The following ABCC5 variants were observed in gnomAD, a reference collection of about 807,000 sequenced individuals.
The protein encoded by ABCC5 is ATP-binding cassette sub-family C member 5.
In ABCC5, 61 loss-of-function variants were observed where a neutral mutation model predicts 160.9. That is an observed-to-expected ratio of 0.38 (90% CI 0.31 to 0.47). The LOEUF is 0.47. Among genes scored for constraint, ABCC5 ranks in the 20% least tolerant of loss-of-function variants. ABCC5 has a pLI of 0.99. For missense variants in ABCC5, 1,308 were observed against 1,813.3 expected, an observed-to-expected ratio of 0.72 and a Z score of 5.06; for synonymous variants, 666 against 700.6, an observed-to-expected ratio of 0.95 and a Z score of 0.78.
intron 5 of ABCC5, chr3:183,983,581 C>G (rs1485108485): frequency 3.9e-6 from 1 of 257,284 alleles, no homozygotes; most frequent in Non-Finnish European, 6.1e-6. Flanking sequence ...TCCCGACTCC[C>G]TCCCAAAAAT....
rs1054495666 is a variant in ABCC5, at chr3:183,942,814, G to T, written c.3607C>A (p.Arg1203=). The change falls in exon 25 of 30, where the codon CGA becomes AGA. Residue 1203 remains arginine (R), a synonymous_variant. Transcript: ENST00000334444. ...VTFENAEMRY[R]ENLPLVLKKV... is the part of the protein sequence containing the mutation. Reference sequence around the variant, plus strand: ...TTTAGGACGAGAGGGAGGTTTTCTCGGTACCTCATCTCTGCGTTCTCAAAG... The same window carrying T: ...TTTAGGACGAGAGGGAGGTTTTCTCTGTACCTCATCTCTGCGTTCTCAAAG... The T allele has an allele frequency of 6.2e-7, 1 of 1,614,082 alleles. No homozygotes were observed. The highest frequency in any genetic ancestry group is 1.3e-5 in the African/African-American group (1 of 75,012).
chr3:183,930,973 T>A (rs1713119844), intron 26 of ABCC5, among the ~76,000 whole-genome samples: 1 of 152,210 alleles, frequency 6.6e-6, no homozygotes, highest in Admixed American at 6.5e-5. Flanking sequence ...CCCCGGTGGA[T>A]GCCTCAAACC....
chr3:183,951,625 G>T lies in ABCC5; in HGVS notation c.2815-55C>A. 1.3e-6 allele frequency: 2 copies of T among 1,593,838 alleles called. No individual in the cohort carries two copies. Among genetic ancestry groups the T allele is most frequent in the African/African-American group, 1.3e-5 (1 of 74,412 alleles). ...CCCAGGGACGGCTCTGTTCCTACTG[G>T]TCCAGAGAACCGCTCCGCAGCACAT... On this transcript the variant is annotated intron_variant, in intron 19 of 29. Transcript: ENST00000334444. The surrounding 1 kb of genome is among the most constrained non-coding windows in gnomAD (Gnocchi z 4.7).
chr3:183,953,171 A>G lies in ABCC5; in HGVS notation c.2582T>C (p.Val861Ala). Residue 861 changes from valine (V) to alanine (A), a missense_variant, in exon 18 of 30, where the codon GTT becomes GCT. Physicochemically the swap from Val to Ala is moderately conservative, Grantham distance 64. Transcript: ENST00000334444. Reference sequence around the variant, plus strand: ...ATTCAGCATGAAAAGGGCCATAATAACCAGGAATGCCAAGGGGCCCCCAGC... The same window carrying G: ...ATTCAGCATGAAAAGGGCCATAATAGCCAGGAATGCCAAGGGGCCCCCAGC... The part of the protein sequence containing the change: ...QAAGGPLAFL[V>A]IMALFMLNVG... 1 of 1,614,082 alleles carries G rather than the reference A, an allele frequency of 6.2e-7. No individual in the cohort carries two copies.
At chr3:184,010,070 G>A (rs889638166) in intron 2 of ABCC5, 5 of 324,216 alleles carry the variant, frequency 1.5e-5, no homozygotes, top group Non-Finnish European at 2.5e-5. Flanking sequence ...ACTTTGGGAG[G>A]CCAAGGCAGG....
intron 11 of ABCC5, among the ~76,000 whole-genome samples, chr3:183,969,063 T>A (rs1717494429): frequency 6.6e-6 from 1 of 152,152 alleles, no homozygotes; most frequent in South Asian, 2.1e-4. Context: ...TAGATTTACA[T>A]GAGAAAAATG....
chr3:183,996,196 G>A (rs1043584843), intron 2 of ABCC5, among the ~76,000 whole-genome samples: 2 of 152,098 alleles, frequency 1.3e-5, no homozygotes, highest in Admixed American at 6.5e-5. Context: ...ACATGAGCAT[G>A]GCATATTAGC....
chr3:184,001,478 A>T (rs1441780696), intron 2 of ABCC5, among the ~76,000 whole-genome samples: 1 of 152,160 alleles, frequency 6.6e-6, no homozygotes, highest in Non-Finnish European at 1.5e-5. Flanking sequence ...CCACAATAGT[A>T]CTGTGTCGCA....
chr3:183,937,129 C>T (rs1247527871), intron 26 of ABCC5, among the ~76,000 whole-genome samples: 1 of 152,184 alleles, frequency 6.6e-6, no homozygotes, highest in African/African-American at 2.4e-5. Flanking sequence ...GTAATCCCAG[C>T]ACTTTGGGAG....
At chr3:183,977,421 C>T in intron 10 of ABCC5, 96 bp downstream of exon 10, 1 of 828,214 alleles carries the variant, frequency 1.2e-6, no homozygotes, top group Non-Finnish European at 1.9e-6. Flanking sequence ...AAGCTTAAGC[C>T]CAGTGAGGCC....
At chr3:183,971,247 A>G (rs1717710675) in intron 11 of ABCC5, among the ~76,000 whole-genome samples, 1 of 152,246 alleles carries the variant, frequency 6.6e-6, no homozygotes, top group Non-Finnish European at 1.5e-5. Context: ...ACTTGTAACA[A>G]TCAGAAATAA....
At chr3:183,957,385 G>A (rs1383778684) in intron 17 of ABCC5, among the ~76,000 whole-genome samples, 2 of 131,282 alleles carry the variant, frequency 1.5e-5, no homozygotes, top group Non-Finnish European at 3.3e-5. Flanking sequence ...TATCACATCG[G>A]TTACATGCTT....
At chr3:183,984,920 T>C (rs1383241928) in intron 5 of ABCC5, 1 of 1,549,626 alleles carries the variant, frequency 6.5e-7, no homozygotes, top group Non-Finnish European at 8.7e-7. Flanking sequence ...GTGGTTGCCT[T>C]GGGCTCCTTC....
chr3:183,957,111 C>T (rs576770798), intron 17 of ABCC5, among the ~76,000 whole-genome samples: 10 of 106,322 alleles, frequency 9.4e-5, no homozygotes, highest in African/African-American at 3.3e-4. Flanking sequence ...CATGCGGGTC[C>T]GTGTGTACAT....
intron 26 of ABCC5, among the ~76,000 whole-genome samples, chr3:183,930,878 T>C (rs937069930): frequency 6.6e-6 from 1 of 152,186 alleles, no homozygotes; most frequent in African/African-American, 2.4e-5. Flanking sequence ...AGGAAACACA[T>C]ACAGCAAGTA....
intron 27 of ABCC5, among the ~76,000 whole-genome samples, chr3:183,928,542 C>T (rs1420701799): frequency 6.6e-6 from 1 of 152,180 alleles, no homozygotes. Flanking sequence ...AGTGCAAGGC[C>T]AATATGACCG....
intron 11 of ABCC5, among the ~76,000 whole-genome samples, chr3:183,971,196 C>G (rs1717705589): frequency 6.6e-6 from 1 of 152,150 alleles, no homozygotes; most frequent in African/African-American, 2.4e-5. Flanking sequence ...CTATCATGTG[C>G]CAGGTATGAT....
intron 8 of ABCC5, among the ~76,000 whole-genome samples, chr3:183,981,223 A>G (rs1407527163): frequency 6.6e-6 from 1 of 152,124 alleles, no homozygotes; most frequent in Non-Finnish European, 1.5e-5. Flanking sequence ...TGAATGCCCC[A>G]TCTGTGCCAT....
intron 11 of ABCC5, 104 bp from the exon 12 acceptor site, chr3:183,967,870 T>G (rs868556028): frequency 3.5e-5 from 33 of 938,052 alleles, no homozygotes; most frequent in Middle Eastern, 4.4e-4. Context: ...CATACAGAAC[T>G]GTCACCCTGA....
Sources: allele counts gnomAD v4.1 joint callset (sites outside exome capture counted in the v4.1 genomes callset), GRCh38; gene constraint gnomAD v4.1.1; non-coding constraint Gnocchi (gnomAD v3.1); transcripts MANE v1.5; gene names NCBI Gene and HGNC (gene_info 2026-07-23, HGNC 2026-07-21).